The following EPSTI1 variants were observed in gnomAD, a reference collection of about 807,000 sequenced individuals.
EPSTI1 encodes the protein epithelial-stromal interaction protein 1.
EPSTI1 carries 66 observed loss-of-function variants against 49.9 expected under a neutral mutation model. The observed-to-expected ratio is 1.32, with a 90% CI of 1.08 to 1.62. The LOEUF (loss-of-function observed/expected upper bound fraction) is 1.62, where lower values mean the gene tolerates loss of function less well. Ranked by LOEUF, EPSTI1 falls within the 40% of genes most tolerant of loss-of-function variation. The pLI is 0.00. For missense variants in EPSTI1, 394 were observed against 365.5 expected (o/e 1.08, Z -0.64); for synonymous variants, 137 against 130.7 (o/e 1.05, Z -0.33).
At chr13:42,940,410 G>C (rs2038714545) in intron 6 of EPSTI1, among the ~76,000 whole-genome samples, 1 of 152,090 alleles carries the variant, frequency 6.6e-6, no homozygotes, top group Non-Finnish European at 1.5e-5. Context: ...TCCTTCATAG[G>C]AATTGTTCGA....
chr13:42,889,223 G>A lies in EPSTI1; in HGVS notation c.916-721C>T, dbSNP rs59267170. The A allele has an allele frequency of 6.7e-4, 1,043 of 1,564,872 alleles. 10 individuals are homozygous for A. In the East Asian group the frequency reaches 0.022, roughly 33 times the overall value. ...TTAAGTGACCCACCTTAGGTGCCTC[G>A]AAAAAACTAATAGAGAACCCTAGAA... On this transcript the variant is annotated intron_variant, in intron 10 of 10. Coordinates refer to ENST00000313624, the MANE Select transcript of EPSTI1 (RefSeq NM_033255.5).
intron 2 of EPSTI1, 132 bp downstream of exon 2, chr13:42,970,480 A>T: frequency 1.4e-6 from 1 of 705,464 alleles, no homozygotes; most frequent in Admixed American, 3.5e-5. Context: ...AATCAAAACT[A>T]AAAAAAACAA....
intron 1 of EPSTI1, among the ~76,000 whole-genome samples, chr13:42,972,374 TG>T (rs1220707127): frequency 2.0e-5 from 3 of 152,208 alleles, no homozygotes; most frequent in African/African-American, 7.2e-5. Flanking sequence ...ATGCTGTTCT[TG>T]ATCTAGGTAC....
intron 1 of EPSTI1, among the ~76,000 whole-genome samples, chr13:42,979,940 A>G (rs1304216747): frequency 3.3e-5 from 5 of 152,184 alleles, no homozygotes; most frequent in Admixed American, 6.5e-5. Context: ...AGATCCAATT[A>G]TGGATTACAC....
At chr13:42,913,617 G>A (rs2100142055) in intron 8 of EPSTI1, among the ~76,000 whole-genome samples, 1 of 152,162 alleles carries the variant, frequency 6.6e-6, no homozygotes, top group African/African-American at 2.4e-5. Context: ...TAAATCCCTG[G>A]AGCTGGGGTA....
At chr13:42,945,818 T>C (rs1448932005) in intron 6 of EPSTI1, among the ~76,000 whole-genome samples, 1 of 152,164 alleles carries the variant, frequency 6.6e-6, no homozygotes, top group Non-Finnish European at 1.5e-5. Flanking sequence ...TGGGTAGAGA[T>C]TGTGATATGG....
chr13:42,917,604 T>C lies in EPSTI1; in HGVS notation c.678A>G (p.Arg226=), dbSNP rs778607555. 6.4e-7 allele frequency: 1 copy of C among 1,567,322 alleles called. No individual in the cohort carries two copies. The highest frequency in any genetic ancestry group is 2.3e-5 in the East Asian group (1 of 42,634). Residue 226 remains arginine, a synonymous_variant, in exon 8 of 11, where the codon AGA becomes AGG. Transcript: ENST00000313624. Reference sequence around the variant, plus strand: ...TGTTTTCTTCTGCCTTTAGAGAATCTCTGTAAGCCCAGCTTCTGGCCTGTA... The same window carrying C: ...TGTTTTCTTCTGCCTTTAGAGAATCCCTGTAAGCCCAGCTTCTGGCCTGTA... ...SSTWARSWAY[R]DSLKAEENRK...
chr13:42,926,247 T>C, intron 7 of EPSTI1, 89 bp downstream of exon 7: 1 of 807,180 alleles, frequency 1.2e-6, no homozygotes, highest in Non-Finnish European at 2.2e-6. Context: ...CATTCTATGA[T>C]GTACAAGTCA....
At chr13:42,911,264 TGC>T (rs1555259496) in intron 8 of EPSTI1, among the ~76,000 whole-genome samples, 36 of 148,544 alleles carry the variant, frequency 2.4e-4, no homozygotes, top group African/African-American at 6.9e-4. Context: ...TGTGTGTGTG[TGC>T]GCGCGCACGC....
At chr13:42,914,291 C>T in intron 8 of EPSTI1, among the ~76,000 whole-genome samples, 1 of 152,142 alleles carries the variant, frequency 6.6e-6, no homozygotes, top group East Asian at 1.9e-4. Flanking sequence ...CTTGTCTATC[C>T]TGATCTTAAT....
chr13:42,969,029 G>T, intron 3 of EPSTI1, 65 bp downstream of exon 3: 1 of 1,494,732 alleles, frequency 6.7e-7, no homozygotes, highest in Admixed American at 1.7e-5. Flanking sequence ...ACATATGCAA[G>T]CTGCTTACAG....
chr13:42,946,813 T>C (rs2038931853), intron 6 of EPSTI1, among the ~76,000 whole-genome samples: 1 of 152,172 alleles, frequency 6.6e-6, no homozygotes, highest in Admixed American at 6.5e-5. Flanking sequence ...TAGAATCTCA[T>C]AGGAGAACAA....
chr13:42,973,546 A>T (rs2039813541), intron 1 of EPSTI1, among the ~76,000 whole-genome samples: 2 of 152,232 alleles, frequency 1.3e-5, no homozygotes, highest in Non-Finnish European at 2.9e-5. Flanking sequence ...TAATATAAGA[A>T]GAAGAGCTTA....
chr13:42,960,647 C>G (rs1174878726), intron 5 of EPSTI1, among the ~76,000 whole-genome samples: 1 of 152,118 alleles, frequency 6.6e-6, no homozygotes, highest in African/African-American at 2.4e-5. Flanking sequence ...AAGTACAAAA[C>G]GGGTATCAAT....
intron 1 of EPSTI1, among the ~76,000 whole-genome samples, chr13:42,982,382 T>TA (rs1419797355): frequency 6.6e-6 from 1 of 152,152 alleles, no homozygotes; most frequent in East Asian, 1.9e-4. Context: ...GAAATAACCA[T>TA]AAAAATGGGC....
At chr13:42,970,554 C>G in intron 2 of EPSTI1, 58 bp downstream of exon 2, 1 of 1,456,084 alleles carries the variant, frequency 6.9e-7, no homozygotes, top group Non-Finnish European at 9.4e-7. Flanking sequence ...CACACCAAAA[C>G]AAACCAATTG....
At chr13:42,935,220 AT>A (rs1259467316) in intron 6 of EPSTI1, among the ~76,000 whole-genome samples, 1 of 152,114 alleles carries the variant, frequency 6.6e-6, no homozygotes, top group Non-Finnish European at 1.5e-5. Context: ...TCTCTCTGGG[AT>A]TTCTAAACCA....
At chr13:42,953,750 T>C (rs767726278) in intron 6 of EPSTI1, among the ~76,000 whole-genome samples, 198 bp downstream of exon 6, 19 of 152,244 alleles carry the variant, frequency 1.2e-4, no homozygotes, top group Non-Finnish European at 2.6e-4. Context: ...TTTAGTGTTA[T>C]TGACTACTAA....
intron 1 of EPSTI1, among the ~76,000 whole-genome samples, chr13:42,975,293 G>A (rs2039860092): frequency 6.6e-6 from 1 of 152,128 alleles, no homozygotes; most frequent in Non-Finnish European, 1.5e-5. Flanking sequence ...AATTACCCTT[G>A]ACCCCTAAGC....
Sources: allele counts gnomAD v4.1 joint callset (sites outside exome capture counted in the v4.1 genomes callset), GRCh38; gene constraint gnomAD v4.1.1; transcripts MANE v1.5; gene names NCBI Gene and HGNC (gene_info 2026-07-23, HGNC 2026-07-21).